Variants in NAA35 observed in about 807,000 individuals in gnomAD.
The protein encoded by NAA35 is MAK10 homolog, amino-acid N-acetyltransferase subunit.
A neutral mutation model predicts 101.7 loss-of-function variants in NAA35; 18 were observed. The observed-to-expected ratio is 0.18, with a 90% CI of 0.12 to 0.26. The LOEUF (loss-of-function observed/expected upper bound fraction) is 0.26, where lower values mean the gene tolerates loss of function less well. NAA35 is among the 10% of genes least tolerant of loss of function. The pLI is 1.00. For missense variants in NAA35, 601 were observed against 886.8 expected (o/e 0.68, Z 4.09); for synonymous variants, 267 against 273.1 (o/e 0.98, Z 0.22).
intron 6 of NAA35, among the ~76,000 whole-genome samples, chr9:85,964,558 C>T (rs766179794): frequency 1.4e-4 from 21 of 152,184 alleles, no homozygotes; most frequent in South Asian, 2.1e-4. Flanking sequence ...CATTTAATTG[C>T]GTATCTCTAT....
chr9:86,015,769 C>A, intron 17 of NAA35: 3 of 973,726 alleles, frequency 3.1e-6, no homozygotes, highest in Non-Finnish European at 3.7e-6. Flanking sequence ...CCCCTTCACT[C>A]ATGTGTCCTT....
At chr9:85,945,762 A>G (rs1453897234) in intron 2 of NAA35, among the ~76,000 whole-genome samples, 3 of 151,886 alleles carry the variant, frequency 2.0e-5, no homozygotes, top group Non-Finnish European at 4.4e-5. Flanking sequence ...CTCGTGATCC[A>G]TCCACCTCGG....
chr9:85,995,994 A>G (rs990590692), intron 11 of NAA35, among the ~76,000 whole-genome samples: 3 of 152,182 alleles, frequency 2.0e-5, no homozygotes, highest in Non-Finnish European at 4.4e-5. Context: ...CTGTTTAGTA[A>G]TTGAGGGGAA....
intron 6 of NAA35, among the ~76,000 whole-genome samples, chr9:85,974,549 C>T (rs554961513): frequency 5.9e-5 from 9 of 152,242 alleles, no homozygotes; most frequent in East Asian, 1.9e-4. Context: ...ACTGTGCAAG[C>T]AGTCACTTAA....
At chr9:85,971,037 G>T (rs1829976677) in intron 6 of NAA35, among the ~76,000 whole-genome samples, 4 of 152,002 alleles carry the variant, frequency 2.6e-5, no homozygotes, top group Admixed American at 2.6e-4. Context: ...GCATTACTAG[G>T]CTCTCCTTCA....
At chr9:85,992,848 T>C (rs529177075) in intron 11 of NAA35, among the ~76,000 whole-genome samples, 59 of 152,354 alleles carry the variant, frequency 3.9e-4, no homozygotes, top group African/African-American at 1.4e-3. Context: ...GATGGCTGTA[T>C]TGTGATTATG....
intron 11 of NAA35, among the ~76,000 whole-genome samples, chr9:85,991,810 T>C (rs73476906): frequency 0.044 from 6,750 of 152,232 alleles, 482 homozygotes; most frequent in African/African-American, 0.15. Context: ...ATGTGATTGT[T>C]AAGGGTCTTG....
intron 6 of NAA35, among the ~76,000 whole-genome samples, chr9:85,969,336 T>C (rs1207246600): frequency 6.6e-6 from 1 of 151,402 alleles, no homozygotes; most frequent in Non-Finnish European, 1.5e-5. Flanking sequence ...ATTTACCATA[T>C]AAATAGAAGT....
At chr9:85,953,779 A>G (rs994740260) in intron 2 of NAA35, among the ~76,000 whole-genome samples, 1 of 152,056 alleles carries the variant, frequency 6.6e-6, no homozygotes, top group African/African-American at 2.4e-5. Context: ...ATGGACTCAC[A>G]CAGTATTTGT....
intron 2 of NAA35, among the ~76,000 whole-genome samples, chr9:85,954,700 G>A (rs779536915): frequency 6.6e-6 from 1 of 152,120 alleles, no homozygotes; most frequent in African/African-American, 2.4e-5. Context: ...GTCTTGATTT[G>A]TGCTGAAGCT....
At chr9:85,969,716 C>T (rs1359289939) in intron 6 of NAA35, among the ~76,000 whole-genome samples, 1 of 152,052 alleles carries the variant, frequency 6.6e-6, no homozygotes, top group Non-Finnish European at 1.5e-5. Flanking sequence ...AAAATTTAGC[C>T]AGGCATGGTG....
chr9:86,004,406 G>T (rs1831542976), intron 13 of NAA35, among the ~76,000 whole-genome samples: 1 of 143,120 alleles, frequency 7.0e-6, no homozygotes, highest in South Asian at 2.4e-4. Context: ...TTGAACCTGG[G>T]AAATCCAGGC....
intron 2 of NAA35, among the ~76,000 whole-genome samples, chr9:85,949,897 A>C (rs1382060315): frequency 2.0e-5 from 3 of 151,822 alleles, no homozygotes; most frequent in Admixed American, 1.3e-4. Context: ...ACTGTTTTGC[A>C]GGATATGCAG....
chr9:85,994,187 T>C (rs1831060515), intron 11 of NAA35, among the ~76,000 whole-genome samples: 1 of 152,192 alleles, frequency 6.6e-6, no homozygotes, highest in Non-Finnish European at 1.5e-5. Flanking sequence ...AAGCTTACCA[T>C]TTTAACCATT....
In NAA35 at chr9:86,007,543, G is replaced by GC. The variant is rs546774386; in HGVS notation, c.1223+81dup. 1.2e-3 allele frequency: 1,223 copies of GC among 989,520 alleles called. 7 individuals are homozygous for GC. The African/African-American group carries it at 0.018, about 14-fold the overall frequency. The allele number at this position is 989,520 out of a possible 1,614,324, so 61.3% of individuals were successfully genotyped here. On this transcript the variant is annotated intron_variant, in intron 14 of 22. Coordinates refer to ENST00000361671, the MANE Select transcript of NAA35 (RefSeq NM_024635.4). ...AACTTCTCTGTACTCCTTCTTTATA[G>GC]CCAAAGTATCAAAATTGGGACCAAA...
chr9:85,955,362 T>TTC lies in NAA35; in HGVS notation c.125-997_125-996insCT, dbSNP rs1829223455. 2.7e-5 allele frequency among the ~76,000 whole-genome samples: 3 copies of TTC among 111,444 alleles called. No individual in the cohort carries two copies. The East Asian group carries it at 8.3e-4, about 31-fold the overall frequency. 73.1% of individuals were successfully genotyped at this position (111,444 alleles called of 152,430 possible). A position where few individuals can be genotyped will look rare whatever the true frequency, so the allele number is the denominator to read the frequency against. On this transcript the variant is annotated intron_variant, in intron 2 of 22. Transcript: ENST00000361671. ...TATATATATATATATATATATATAT[T>TTC]TTTTTTTTTTTTTTTCTTCAGACAG...
intron 12 of NAA35, among the ~76,000 whole-genome samples, chr9:85,997,665 G>T (rs1157107307): frequency 6.6e-6 from 1 of 151,906 alleles, no homozygotes; most frequent in African/African-American, 2.4e-5. Flanking sequence ...TTTATTTATT[G>T]TGGAGACAAG....
intron 14 of NAA35, 36 bp from the exon 15 acceptor site, chr9:86,009,829 T>C (rs201266480): frequency 6.5e-7 from 1 of 1,536,826 alleles, no homozygotes; most frequent in Non-Finnish European, 9.0e-7. Context: ...TTGTTTGGGC[T>C]GAATAGATTT....
At position 86,007,461 on chromosome 9, in the gene NAA35, C is replaced by A; in HGVS notation, c.1220C>A (p.Pro407His). ...TTTGTCAGTCCTCCGGTGCTTTCCCCCAAGTAAGTATTGTAAGACATTTTA... is the reference window on the plus strand; with the variant it reads ...TTTGTCAGTCCTCCGGTGCTTTCCCACAAGTAAGTATTGTAAGACATTTTA... ...RSFVSPPVLS[P>H]KCYLYNNHQA... The change falls in exon 14 of 23, where the codon CCC (proline) becomes CAC (histidine). Residue 407 changes from proline (P) to histidine (H), a missense_variant. Transcript: ENST00000361671. 6.2e-7 allele frequency: 1 copy of A among 1,611,722 alleles called. No individual in the cohort carries two copies. Among genetic ancestry groups the A allele is most frequent in the South Asian group, 1.1e-5 (1 of 90,918 alleles).
Sources: gnomAD v4.1 joint callset for allele counts (sites outside exome capture counted in the v4.1 genomes callset) on GRCh38, gnomAD v4.1.1 for gene constraint, MANE v1.5 for transcripts, NCBI Gene and HGNC (gene_info 2026-07-23, HGNC 2026-07-21) for gene names.